PHKB: variants seen among roughly 807,000 people sequenced by gnomAD.
PHKB encodes the protein phosphorylase kinase regulatory subunit beta.
In PHKB, 122 loss-of-function variants were observed where a neutral mutation model predicts 152.1. The observed-to-expected ratio is 0.80, with a 90% CI of 0.69 to 0.93. The LOEUF is 0.93. Ranked by LOEUF, PHKB falls within the 40% of genes least tolerant of loss-of-function variation. The pLI is 0.00. For missense variants in PHKB, 1,304 were observed against 1,328.4 expected, an observed-to-expected ratio of 0.98 and a Z score of 0.29; for synonymous variants, 436 against 464.9, an observed-to-expected ratio of 0.94 and a Z score of 0.80.
Position 47,650,603 on chromosome 16 carries a change from T to C in PHKB, c.1857T>C (p.Val619=). The change falls in exon 19 of 31, where the codon GTT becomes GTC. Residue 619 remains valine, a synonymous_variant. Transcript: ENST00000323584. Reference sequence around the variant, plus strand: ...TGCATGGACGTCCACTTTTCCTTGTTCTCATCCGGGAAGACAATATAAGGT... The same window carrying C: ...TGCATGGACGTCCACTTTTCCTTGTCCTCATCCGGGAAGACAATATAAGGT... ...WKMHGRPLFL[V]LIREDNIRGS... The C allele has an allele frequency of 6.2e-7, 1 of 1,609,462 alleles. No individual in the cohort carries two copies. The highest frequency in any genetic ancestry group is 1.7e-5 in the Admixed American group (1 of 60,014).
chr16:47,574,729 A>G (rs1238862911), intron 7 of PHKB, among the ~76,000 whole-genome samples: 1 of 152,068 alleles, frequency 6.6e-6, no homozygotes, highest in Non-Finnish European at 1.5e-5. Context: ...AACTCACTCA[A>G]TCCCATGGGA....
At chr16:47,679,979 GTGT>G (rs1193098310) in intron 26 of PHKB, among the ~76,000 whole-genome samples, 1 of 152,200 alleles carries the variant, frequency 6.6e-6, no homozygotes, top group Non-Finnish European at 1.5e-5. Context: ...TTAGCATGAA[GTGT>G]TGTTGAATTT....
intron 1 of PHKB, among the ~76,000 whole-genome samples, chr16:47,486,018 G>A (rs1437557058): frequency 6.6e-6 from 1 of 151,746 alleles, no homozygotes; most frequent in African/African-American, 2.4e-5. Flanking sequence ...TATTTTGTCA[G>A]CTTCTGTCCT....
Position 47,650,850 on chromosome 16 carries a change from A to G in PHKB, c.1900A>G (p.Ile634Val), listed in dbSNP as rs145723243. ...DNIRGSRFNPILDMLAALKKG... is the reference protein window; with the variant it reads ...DNIRGSRFNPVLDMLAALKKG... The stretch of plus-strand genomic sequence containing the variant: ...TTTTAGAGGTAGCCGGTTCAACCCC[A>G]TATTAGATATGCTGGCAGCCCTTAA... The change falls in exon 20 of 31, where the codon ATA becomes GTA. Residue 634 changes from isoleucine (I) to valine (V), a missense_variant. Transcript: ENST00000323584. The G allele has an allele frequency of 6.8e-6, 11 of 1,613,106 alleles. No individual in the cohort carries two copies. Among genetic ancestry groups the G allele is most frequent in the Admixed American group, 6.7e-5 (4 of 60,002 alleles).
chr16:47,473,218 ATTTTTTTTTTT>A (rs1043960499), intron 1 of PHKB, among the ~76,000 whole-genome samples: 359 of 48,740 alleles, frequency 7.4e-3, no homozygotes, highest in African/African-American at 0.022. Flanking sequence ...TGCCTGGCTA[ATTTTTTTTTTT>A]TTTTTTTTTT....
chr16:47,628,618 A>C (rs945790156), intron 14 of PHKB, among the ~76,000 whole-genome samples: 2 of 152,242 alleles, frequency 1.3e-5, no homozygotes, highest in Admixed American at 1.3e-4. Context: ...TACATGCTAT[A>C]TGATTTAACA....
At chr16:47,598,467 T>C (rs754909195) in intron 13 of PHKB, among the ~76,000 whole-genome samples, 10 of 152,232 alleles carry the variant, frequency 6.6e-5, no homozygotes, top group Non-Finnish European at 1.2e-4. Flanking sequence ...CCTGTGTGAA[T>C]ACTTTATAAA....
intron 1 of PHKB, among the ~76,000 whole-genome samples, chr16:47,482,801 A>G (rs1469548450): frequency 3.9e-5 from 6 of 151,950 alleles, no homozygotes; most frequent in Admixed American, 3.9e-4. Context: ...GCTCACTGCA[A>G]CCTCTGCCTC....
At chr16:47,555,525 A>T (rs1010856876) in intron 7 of PHKB, among the ~76,000 whole-genome samples, 5 of 148,306 alleles carry the variant, frequency 3.4e-5, no homozygotes, top group African/African-American at 1.2e-4. Flanking sequence ...TGAATATTAG[A>T]ATAAAGATGT....
chr16:47,520,989 C>A (rs1015115595), intron 6 of PHKB, among the ~76,000 whole-genome samples: 1 of 151,876 alleles, frequency 6.6e-6, no homozygotes, highest in African/African-American at 2.4e-5. Context: ...CTTTTAAGTT[C>A]TTCCTGCATA....
intron 6 of PHKB, among the ~76,000 whole-genome samples, chr16:47,516,832 A>G (rs1218446907): frequency 2.6e-5 from 4 of 152,212 alleles, no homozygotes; most frequent in Admixed American, 6.5e-5. Context: ...GGTTTCTTCT[A>G]TTTGATTTGT....
intron 29 of PHKB, among the ~76,000 whole-genome samples, chr16:47,697,722 A>G (rs578052803): frequency 6.6e-6 from 1 of 152,224 alleles, no homozygotes; most frequent in East Asian, 1.9e-4. Flanking sequence ...AGCCATAAAC[A>G]TCATCAGAGA....
chr16:47,597,791 G>A (rs1972149490), intron 13 of PHKB: 1 of 142,450 alleles, frequency 7.0e-6, no homozygotes, highest in African/African-American at 2.6e-5. Context: ...AACTCTTAAT[G>A]TCTCTTTTAC....
At chr16:47,528,477 A>C (rs1970803322) in intron 6 of PHKB, among the ~76,000 whole-genome samples, 1 of 152,174 alleles carries the variant, frequency 6.6e-6, no homozygotes, top group Admixed American at 6.5e-5. Flanking sequence ...TCCTCAATAA[A>C]TTTTATGAGA....
At chr16:47,660,443 C>A in intron 20 of PHKB, 63 bp from the exon 21 acceptor site, 1 of 1,283,514 alleles carries the variant, frequency 7.8e-7, no homozygotes, top group Non-Finnish European at 1.1e-6. Flanking sequence ...GGTATGCACA[C>A]AGGCCATTAG....
At chr16:47,555,984 C>T (rs1971361894) in intron 7 of PHKB, among the ~76,000 whole-genome samples, 2 of 152,122 alleles carry the variant, frequency 1.3e-5, no homozygotes, top group Admixed American at 1.3e-4. Context: ...TTGAAGAGGT[C>T]CTTCATGTCC....
chr16:47,532,719 G>A (rs967558205), intron 6 of PHKB, among the ~76,000 whole-genome samples: 3 of 152,256 alleles, frequency 2.0e-5, no homozygotes, highest in Admixed American at 6.5e-5. Context: ...AGGAACCACA[G>A]GACCCCAAAG....
At position 47,661,800 on chromosome 16, in the gene PHKB, G is replaced by C. The variant is rs1388179531; in HGVS notation, c.2278G>C (p.Gly760Arg). 4 of 1,602,946 alleles carry C rather than the reference G, an allele frequency of 2.5e-6. No individual in the cohort carries two copies. Among genetic ancestry groups the C allele is most frequent in the Non-Finnish European group, 3.4e-6 (4 of 1,169,904 alleles). Reference sequence around the variant, plus strand: ...AGGCCCCAACTTCATCACAAAGGAAGGTAAGCATGCATGTCTAGGAGAACA... The same window carrying C: ...AGGCCCCAACTTCATCACAAAGGAACGTAAGCATGCATGTCTAGGAGAACA... Reference protein sequence around the residue: ...REGPNFITKEGTVSDHIERVY... With the variant: ...REGPNFITKERTVSDHIERVY... Residue 760 changes from glycine to arginine, a missense_variant and splice_region_variant, in exon 23 of 31, where the codon GGT (glycine) becomes CGT (arginine). By Grantham distance (125) the Gly-to-Arg change is moderately radical. Coordinates refer to ENST00000323584, the MANE Select transcript of PHKB (RefSeq NM_000293.3).
chr16:47,596,838 A>G (rs1017530039), intron 13 of PHKB, among the ~76,000 whole-genome samples: 1 of 152,164 alleles, frequency 6.6e-6, no homozygotes, highest in Non-Finnish European at 1.5e-5. Flanking sequence ...TTTATATGAT[A>G]TATTAAAAAT....
Sources: gnomAD v4.1 joint callset for allele counts (sites outside exome capture counted in the v4.1 genomes callset) on GRCh38, gnomAD v4.1.1 for gene constraint, MANE v1.5 for transcripts, NCBI Gene and HGNC (gene_info 2026-07-23, HGNC 2026-07-21) for gene names.